Variants in PCDHGB7 observed in about 807,000 individuals in gnomAD.
PCDHGB7 encodes protocadherin gamma subfamily B, 7, also known as protocadherin gamma-B7.
Under a neutral mutation model 61.4 loss-of-function variants are expected in PCDHGB7, and 37 were observed. The observed-to-expected ratio is 0.60, with a 90% CI of 0.46 to 0.79. The LOEUF (loss-of-function observed/expected upper bound fraction) is 0.79, where lower values mean the gene tolerates loss of function less well. Ranked by LOEUF, PCDHGB7 falls within the 30% of genes least tolerant of loss-of-function variation. The pLI is 0.00. For missense variants in PCDHGB7, 1,166 were observed against 1,202.5 expected (o/e 0.97, Z 0.45); for synonymous variants, 464 against 503.5 (o/e 0.92, Z 1.05).
intron 1 of PCDHGB7, among the ~76,000 whole-genome samples, chr5:141,482,940 G>T (rs1245833250): frequency 6.6e-6 from 1 of 152,026 alleles, no homozygotes; most frequent in East Asian, 1.9e-4. Context: ...AGGTGTGGTT[G>T]TGGGTGCCTG....
At chr5:141,466,709 T>C (rs2099127779) in intron 1 of PCDHGB7, among the ~76,000 whole-genome samples, 1 of 152,212 alleles carries the variant, frequency 6.6e-6, no homozygotes, top group Non-Finnish European at 1.5e-5. Flanking sequence ...TGATGTCTGT[T>C]CTTGTTTCCA....
chr5:141,433,906 A>G (rs1218318743), intron 1 of PCDHGB7, among the ~76,000 whole-genome samples: 1 of 151,412 alleles, frequency 6.6e-6, no homozygotes, highest in Non-Finnish European at 1.5e-5. Flanking sequence ...ATCACTTATT[A>G]CAATCACCTC....
chr5:141,489,962 C>A lies in PCDHGB7; in HGVS notation c.2416-4845C>A. The A allele has an allele frequency of 6.2e-7, 1 of 1,614,184 alleles. No individual in the cohort carries two copies. The highest frequency in any genetic ancestry group is 8.5e-7 in the Non-Finnish European group (1 of 1,180,008). ...CTGGACATCAATGATAATGCTCCAA[C>A]CTTCCAATCCTCAGTTCTACGTGTG... is the stretch of plus-strand genomic sequence containing the variant. On this transcript the variant is annotated intron_variant, in intron 1 of 3. Transcript: ENST00000398594. This position sits in a 1 kb window ranked among gnomAD's most constrained non-coding sequence, Gnocchi z 4.5.
intron 1 of PCDHGB7, among the ~76,000 whole-genome samples, chr5:141,452,868 C>T (rs1339532803): frequency 6.6e-6 from 1 of 152,170 alleles, no homozygotes; most frequent in Non-Finnish European, 1.5e-5. Flanking sequence ...TTTTCTAACT[C>T]CATTTGTAAT....
rs2099394683 is a variant in PCDHGB7, at chr5:141,476,602, C to G, written c.2416-18205C>G. 2.5e-6 allele frequency: 4 copies of G among 1,614,208 alleles called. No individual in the cohort carries two copies. The highest frequency in any genetic ancestry group is 2.2e-5 in the East Asian group (1 of 44,862). Reference sequence around the variant, plus strand: ...TTCCGCTCGAGAGCGCGCACGATCCCGATGTGGGAAGCAACTCTTTACAAA... The same window carrying G: ...TTCCGCTCGAGAGCGCGCACGATCCGGATGTGGGAAGCAACTCTTTACAAA... On this transcript the variant is annotated intron_variant, in intron 1 of 3. Transcript: ENST00000398594. This position sits in a 1 kb window ranked among gnomAD's most constrained non-coding sequence, Gnocchi z 7.6.
intron 1 of PCDHGB7, among the ~76,000 whole-genome samples, chr5:141,433,397 A>ATCTATCTG (rs1554126017): frequency 5.3e-5 from 8 of 150,410 alleles, no homozygotes; most frequent in Non-Finnish European, 1.2e-4. Context: ...CTATCTATCT[A>ATCTATCTG]TCTATCTATT....
chr5:141,437,478 T>G (rs942305423), intron 1 of PCDHGB7, among the ~76,000 whole-genome samples: 2 of 152,210 alleles, frequency 1.3e-5, no homozygotes, highest in African/African-American at 2.4e-5. Flanking sequence ...TATAGCATAT[T>G]TAATCTCGTA....
In PCDHGB7 at chr5:141,471,825, A is replaced by G. The variant is rs150400990; in HGVS notation, c.2416-22982A>G. Among the ~76,000 whole-genome samples, 61 of 152,344 alleles carry G rather than the reference A, an allele frequency of 4.0e-4. No individual in the cohort carries two copies. In the East Asian group the frequency reaches 0.011, roughly 27 times the overall value. ...ACATATAAAAGACTACCTATTTTAT[A>G]ATTCCTTTTTAATAAAATATTCAGA... On this transcript the variant is annotated intron_variant, in intron 1 of 3. Coordinates refer to ENST00000398594, the MANE Select transcript of PCDHGB7 (RefSeq NM_018927.4).
chr5:141,508,979 G>C (rs1317798009), intron 3 of PCDHGB7, among the ~76,000 whole-genome samples: 1 of 152,110 alleles, frequency 6.6e-6, no homozygotes, highest in Admixed American at 6.5e-5. Context: ...GCTGGGGGTG[G>C]GGGCCAGCTG....
At chr5:141,424,748 A>G (rs1218712198) in intron 1 of PCDHGB7, 3 of 152,034 alleles carry the variant, frequency 2.0e-5, no homozygotes, top group African/African-American at 4.8e-5. Flanking sequence ...TTCTTTCTTT[A>G]TAAGGTCATT....
intron 1 of PCDHGB7, among the ~76,000 whole-genome samples, chr5:141,429,706 T>G (rs191069331): frequency 7.6e-4 from 116 of 152,354 alleles, no homozygotes; most frequent in African/African-American, 2.5e-3. Flanking sequence ...ACAGTATAAA[T>G]ATTTACGCTC....
intron 2 of PCDHGB7, among the ~76,000 whole-genome samples, chr5:141,495,936 T>C (rs1329369782): frequency 6.6e-6 from 1 of 152,206 alleles, no homozygotes; most frequent in Non-Finnish European, 1.5e-5. Flanking sequence ...GTCTCTGGTC[T>C]CTGTGCCTGT....
At chr5:141,461,273 C>A (rs1301916233) in intron 1 of PCDHGB7, among the ~76,000 whole-genome samples, 1 of 152,128 alleles carries the variant, frequency 6.6e-6, no homozygotes, top group Admixed American at 6.6e-5. Flanking sequence ...TAAGTGTTCT[C>A]TTTTCCCCAC....
At chr5:141,429,613 G>A (rs1374650357) in intron 1 of PCDHGB7, among the ~76,000 whole-genome samples, 2 of 152,084 alleles carry the variant, frequency 1.3e-5, no homozygotes, top group African/African-American at 2.4e-5. Flanking sequence ...TCAATTTTAT[G>A]TCTGATATTT....
intron 1 of PCDHGB7, among the ~76,000 whole-genome samples, chr5:141,494,463 C>G (rs1178793763): frequency 6.6e-6 from 1 of 152,154 alleles, no homozygotes; most frequent in Non-Finnish European, 1.5e-5. Context: ...TTGTCTGCAC[C>G]TCTTCCCCCA....
chr5:141,468,505 C>A (rs1293623271), intron 1 of PCDHGB7: 1 of 152,020 alleles, frequency 6.6e-6, no homozygotes, highest in East Asian at 1.9e-4. Context: ...TTCATGTGGA[C>A]AAATTTAGTA....
chr5:141,418,536 C>G lies in PCDHGB7; in HGVS notation c.677C>G (p.Ala226Gly), dbSNP rs1196331424. ...GGGGACCCTCCCCGAAGCGGTACTG[C>G]TCAGATAAGAATCCTGGTAATAGAT... ...DGGDPPRSGTAQIRILVIDAN... is the reference protein window; with the variant it reads ...DGGDPPRSGTGQIRILVIDAN... The change falls in exon 1 of 4, where the codon GCT (alanine) becomes GGT (glycine). Residue 226 changes from alanine (A) to glycine (G), a missense_variant. Coordinates refer to ENST00000398594, the MANE Select transcript of PCDHGB7 (RefSeq NM_018927.4). 3.7e-6 allele frequency: 6 copies of G among 1,614,026 alleles called. No homozygotes were observed. The highest frequency in any genetic ancestry group is 1.1e-5 in the South Asian group (1 of 91,084).
chr5:141,481,026 C>T (rs1315533254), intron 1 of PCDHGB7, among the ~76,000 whole-genome samples: 1 of 152,100 alleles, frequency 6.6e-6, no homozygotes, highest in African/African-American at 2.4e-5. Flanking sequence ...CCACTGCACT[C>T]CAGCCTGGGC....
intron 1 of PCDHGB7, among the ~76,000 whole-genome samples, chr5:141,429,545 G>T (rs1200824675): frequency 6.6e-6 from 1 of 151,844 alleles, no homozygotes; most frequent in East Asian, 1.9e-4. Context: ...TAAGAACATG[G>T]TAATGATTTG....
Sources: allele counts gnomAD v4.1 joint callset (sites outside exome capture counted in the v4.1 genomes callset), GRCh38; gene constraint gnomAD v4.1.1; non-coding constraint Gnocchi (gnomAD v3.1); transcripts MANE v1.5; gene names NCBI Gene and HGNC (gene_info 2026-07-23, HGNC 2026-07-21).